HGF: variants seen among roughly 807,000 people sequenced by gnomAD.
The protein encoded by HGF is hepatocyte growth factor, also known as fibroblast-derived tumor cytotoxic factor.
HGF carries 39 observed loss-of-function variants against 111.6 expected under a neutral mutation model. The observed-to-expected ratio is 0.35, with a 90% CI of 0.27 to 0.46. The LOEUF (loss-of-function observed/expected upper bound fraction) is 0.46, where lower values mean the gene tolerates loss of function less well. HGF is among the 20% of genes least tolerant of loss of function. The pLI is 1.00. For synonymous variants in HGF, 285 were observed against 294.8 expected (o/e 0.97, Z 0.34); for missense variants, 735 against 910.5 (o/e 0.81, Z 2.48).
chr7:81,731,357 A>ATGTTC (rs1787649154), intron 7 of HGF, among the ~76,000 whole-genome samples: 7 of 152,308 alleles, frequency 4.6e-5, no homozygotes, highest in Admixed American at 4.6e-4. Flanking sequence ...ACTTAAAAAG[A>ATGTTC]AACTCAAATG....
intron 17 of HGF, among the ~76,000 whole-genome samples, chr7:81,703,862 C>A (rs1011695): frequency 0.85 from 129,196 of 151,592 alleles, 55,454 homozygotes; most frequent in African/African-American, 0.95. Flanking sequence ...TAGAATTTCA[C>A]ACAGTAAAGA....
At chr7:81,765,889 T>C (rs1289334172) in intron 1 of HGF, among the ~76,000 whole-genome samples, 1 of 152,222 alleles carries the variant, frequency 6.6e-6, no homozygotes, top group Admixed American at 6.5e-5. Context: ...CTACTATTTT[T>C]TGTGCGTGAC....
Position 81,711,490 on chromosome 7 carries a change from T to C in HGF, c.1435A>G (p.Asn479Asp), listed in dbSNP as rs1315923288. 2.7e-6 allele frequency: 4 copies of C among 1,463,150 alleles called. No individual in the cohort carries two copies. The highest frequency in any genetic ancestry group is 1.4e-5 in the African/African-American group (1 of 71,572). 90.6% of individuals were successfully genotyped at this position (1,463,150 alleles called of 1,614,324 possible). The change falls in exon 12 of 18, where the codon AAT (asparagine) becomes GAT (aspartate). Residue 479 changes from asparagine to aspartate, a missense_variant. Asn to Asp is a conservative substitution (Grantham distance 23). This residue lies in a region of HGF where 553 missense variants were observed against 685.6 expected (regional missense o/e 0.81). Coordinates refer to ENST00000222390, the MANE Select transcript of HGF (RefSeq NM_000601.6). ...GTGAAATATTACTTACGGTCTAAAT[T>C]GACTATTGTAGGTGTGGTATCACCT... is the stretch of plus-strand genomic sequence containing the variant. ...CEGDTTPTIVNLDHPVISCAK... is the reference protein window; with the variant it reads ...CEGDTTPTIVDLDHPVISCAK...
chr7:81,722,973 T>A (rs1789912129), intron 9 of HGF, among the ~76,000 whole-genome samples: 1 of 151,970 alleles, frequency 6.6e-6, no homozygotes, highest in Non-Finnish European at 1.5e-5. Flanking sequence ...TCTTAATTTT[T>A]ATATGAATGA....
Position 81,762,889 on chromosome 7 carries a change from G to A in HGF, c.89-17C>T, listed in dbSNP as rs755294209. ...TTTGTCCCTCTATTAAATACAAAAT[G>A]TTTTAAAAAAATAAACATTGGAGAA... On this transcript the variant is annotated splice_polypyrimidine_tract_variant and intron_variant, in intron 1 of 17. Coordinates refer to ENST00000222390, the MANE Select transcript of HGF (RefSeq NM_000601.6). The A allele has an allele frequency of 7.1e-6, 10 of 1,398,804 alleles. No individual in the cohort carries two copies. Among genetic ancestry groups the A allele is most frequent in the Admixed American group, 1.8e-5 (1 of 56,648 alleles). The allele number at this position is 1,398,804 out of a possible 1,614,324, so 86.6% of individuals were successfully genotyped here.
intron 11 of HGF, among the ~76,000 whole-genome samples, chr7:81,714,179 T>C (rs1011556720): frequency 3.9e-5 from 6 of 152,184 alleles, no homozygotes; most frequent in African/African-American, 1.2e-4. Flanking sequence ...ATTTTATATA[T>C]TGTTAATATA....
chr7:81,711,393 T>C lies in HGF; in HGVS notation c.1444+88A>G, dbSNP rs1789566159. The stretch of plus-strand genomic sequence containing the variant: ...CTTCTTTTTATAATGGAAGCTAATA[T>C]AGATAATTTTCTTTGAAAGAAATAA... On this transcript the variant is annotated intron_variant, in intron 12 of 17. Coordinates refer to ENST00000222390, the MANE Select transcript of HGF (RefSeq NM_000601.6). The C allele has an allele frequency of 6.2e-6, 4 of 647,308 alleles. No homozygotes were observed. The Admixed American group carries it at 9.4e-5, about 15-fold the overall frequency. 40.1% of individuals were successfully genotyped at this position (647,308 alleles called of 1,614,324 possible).
At chr7:81,757,680 G>T (rs1286174558) in intron 3 of HGF, among the ~76,000 whole-genome samples, 1 of 152,002 alleles carries the variant, frequency 6.6e-6, no homozygotes, top group Non-Finnish European at 1.5e-5. Flanking sequence ...AATTCAAAAA[G>T]TTACCTAAGA....
chr7:81,751,866 C>T, intron 5 of HGF: 1 of 1,315,878 alleles, frequency 7.6e-7, no homozygotes, highest in African/African-American at 1.5e-5. Flanking sequence ...CTCTCTTTCA[C>T]TTTCCCCAGA....
At chr7:81,712,228 T>G (rs1789591029) in intron 11 of HGF, among the ~76,000 whole-genome samples, 1 of 152,176 alleles carries the variant, frequency 6.6e-6, no homozygotes, top group Non-Finnish European at 1.5e-5. Context: ...TTCATTATTG[T>G]CTACTTGGAC....
chr7:81,720,296 ATTAT>A (rs1371895684), intron 10 of HGF, among the ~76,000 whole-genome samples: 1 of 152,198 alleles, frequency 6.6e-6, no homozygotes, highest in African/African-American at 2.4e-5. Flanking sequence ...TATATGAGTG[ATTAT>A]TCATTGATTT....
At chr7:81,760,952 G>A (rs1199305738) in intron 2 of HGF, among the ~76,000 whole-genome samples, 1 of 152,074 alleles carries the variant, frequency 6.6e-6, no homozygotes, top group Non-Finnish European at 1.5e-5. Flanking sequence ...AGAACAAAAG[G>A]AAAGTTTTTC....
chr7:81,717,761 T>G (rs1789752590), intron 10 of HGF, among the ~76,000 whole-genome samples: 1 of 152,156 alleles, frequency 6.6e-6, no homozygotes, highest in Non-Finnish European at 1.5e-5. Context: ...ACAAGTATTT[T>G]TTTACATTTT....
chr7:81,726,461 C>A (rs1368516372), intron 8 of HGF, among the ~76,000 whole-genome samples: 1 of 152,146 alleles, frequency 6.6e-6, no homozygotes, highest in East Asian at 1.9e-4. Context: ...TAATTACTCT[C>A]ATTTAAAATG....
intron 1 of HGF, among the ~76,000 whole-genome samples, chr7:81,768,774 G>A (rs576864051): frequency 6.6e-6 from 1 of 152,076 alleles, no homozygotes; most frequent in East Asian, 1.9e-4. Flanking sequence ...TTACCTAAAT[G>A]CTTTCAGAGT....
chr7:81,743,493 G>A, intron 6 of HGF, 22 bp from the exon 7 acceptor site: 1 of 1,474,926 alleles, frequency 6.8e-7, no homozygotes, highest in Non-Finnish European at 9.5e-7. Context: ...ACCAAGAAAA[G>A]TGTCACGTAA....
At chr7:81,716,679 TG>T (rs1361358365) in intron 11 of HGF, among the ~76,000 whole-genome samples, 2 of 152,208 alleles carry the variant, frequency 1.3e-5, no homozygotes, top group Non-Finnish European at 2.9e-5. Flanking sequence ...ATGTATTACA[TG>T]TTTTTTATAT....
Position 81,702,445 on chromosome 7 carries a change from T to G in HGF, c.*136A>C. 1.4e-6 allele frequency: 1 copy of G among 706,260 alleles called. No homozygotes were observed. Among genetic ancestry groups the G allele is most frequent in the Non-Finnish European group, 2.4e-6 (1 of 409,910 alleles). 43.7% of individuals were successfully genotyped at this position (706,260 alleles called of 1,614,324 possible). Reference sequence around the variant, plus strand: ...AACAGAAAACACCCATAAACATTAATGAGAATTTCAACAAACATGACTCTC... The same window carrying G: ...AACAGAAAACACCCATAAACATTAAGGAGAATTTCAACAAACATGACTCTC... On this transcript the variant is annotated 3_prime_UTR_variant, in exon 18 of 18. Coordinates refer to ENST00000222390, the MANE Select transcript of HGF (RefSeq NM_000601.6).
chr7:81,715,483 G>T (rs920103405), intron 11 of HGF, among the ~76,000 whole-genome samples: 5 of 151,914 alleles, frequency 3.3e-5, no homozygotes, highest in African/African-American at 1.2e-4. Context: ...AATTTGAAAG[G>T]CTATGATCAT....
Sources: allele counts gnomAD v4.1 joint callset (sites outside exome capture counted in the v4.1 genomes callset), GRCh38; gene constraint gnomAD v4.1.1; regional missense constraint gnomAD v4.1.1; transcripts MANE v1.5; gene names NCBI Gene and HGNC (gene_info 2026-07-23, HGNC 2026-07-21).